Variants in DCDC2C observed in about 807,000 individuals in gnomAD.
The protein encoded by DCDC2C is doublecortin domain-containing protein 2C.
A neutral mutation model predicts 45.0 loss-of-function variants in DCDC2C; 44 were observed. That is an observed-to-expected ratio of 0.98 (90% CI 0.77 to 1.26). The LOEUF (loss-of-function observed/expected upper bound fraction) is 1.26. DCDC2C is among the 50% of genes most tolerant of loss of function. DCDC2C has a pLI of 0.00. For missense variants in DCDC2C, 447 were observed against 468.9 expected, an observed-to-expected ratio of 0.95 and a Z score of 0.43; for synonymous variants, 187 against 178.8, an observed-to-expected ratio of 1.05 and a Z score of -0.37.
chr2:3,778,523 G>T (rs1368513983), intron 8 of DCDC2C, among the ~76,000 whole-genome samples: 1 of 152,208 alleles, frequency 6.6e-6, no homozygotes, highest in East Asian at 1.9e-4. Flanking sequence ...GGTCCTCATG[G>T]TGTCCCAAGA....
intron 3 of DCDC2C, among the ~76,000 whole-genome samples, chr2:3,738,660 C>T (rs927276306): frequency 6.7e-6 from 1 of 150,220 alleles, no homozygotes; most frequent in Admixed American, 6.7e-5. Flanking sequence ...ATGGGCCATG[C>T]GTGATCAGGC....
intron 3 of DCDC2C, among the ~76,000 whole-genome samples, chr2:3,737,737 G>A (rs1021620792): frequency 6.6e-6 from 1 of 152,184 alleles, no homozygotes; most frequent in Non-Finnish European, 1.5e-5. Context: ...ACTCTCTAAA[G>A]TGTTCATGGC....
chr2:3,707,539 T>G (rs1041776563), intron 1 of DCDC2C, among the ~76,000 whole-genome samples: 2 of 152,262 alleles, frequency 1.3e-5, no homozygotes, highest in Non-Finnish European at 2.9e-5. Context: ...TTGAGTTGGC[T>G]GCAACATTTT....
intron 10 of DCDC2C, among the ~76,000 whole-genome samples, chr2:3,824,055 T>C (rs1209239728): frequency 6.6e-6 from 1 of 152,256 alleles, no homozygotes; most frequent in African/African-American, 2.4e-5. Flanking sequence ...GAAGCCTGGA[T>C]TCAGTCCATG....
chr2:3,806,757 C>A (rs1671257867), intron 10 of DCDC2C, among the ~76,000 whole-genome samples: 2 of 151,844 alleles, frequency 1.3e-5, no homozygotes, highest in Non-Finnish European at 2.9e-5. Context: ...CCATATTGGT[C>A]AGGCTAGTCT....
intron 8 of DCDC2C, among the ~76,000 whole-genome samples, chr2:3,775,047 G>A (rs983812110): frequency 2.0e-5 from 3 of 151,942 alleles, no homozygotes; most frequent in African/African-American, 7.2e-5. Context: ...TTACAGGCAT[G>A]AGCCAGTGCG....
chr2:3,750,844 C>G (rs1669522846), intron 4 of DCDC2C, among the ~76,000 whole-genome samples: 1 of 152,104 alleles, frequency 6.6e-6, no homozygotes, highest in South Asian at 2.1e-4. Context: ...TTTTGAAATT[C>G]TTTTCACCGG....
rs890523843 is a variant in DCDC2C at position 3,761,149 on chromosome 2, C to T, written c.726+6515C>T. ...TGTGATTTTAATAGCTATTGCCTTCCAAAGAAGAAATGCTAATTTAATAAA... is the reference window on the plus strand; with the variant it reads ...TGTGATTTTAATAGCTATTGCCTTCTAAAGAAGAAATGCTAATTTAATAAA... On this transcript the variant is annotated intron_variant, in intron 6 of 10. Transcript: ENST00000399143. This position sits in a 1 kb window ranked among gnomAD's most constrained non-coding sequence, Gnocchi z 4.3. Among the ~76,000 whole-genome samples the T allele has an allele frequency of 6.6e-6, 1 of 152,134 alleles. No individual in the cohort carries two copies. Among genetic ancestry groups the T allele is most frequent in the East Asian group, 1.9e-4 (1 of 5,196 alleles).
intron 10 of DCDC2C, among the ~76,000 whole-genome samples, chr2:3,825,016 C>T (rs143226264): frequency 1.1e-3 from 173 of 152,240 alleles, no homozygotes; most frequent in Middle Eastern, 6.8e-3. Context: ...TGGCAGTGAC[C>T]GGTTTTGCTG....
intron 10 of DCDC2C, among the ~76,000 whole-genome samples, chr2:3,800,379 A>T (rs1211541096): frequency 6.6e-6 from 1 of 152,164 alleles, no homozygotes; most frequent in Non-Finnish European, 1.5e-5. Context: ...CTATTCGGCC[A>T]TCTTGGCTCC....
rs1313575834 is a variant in DCDC2C, at chr2:3,767,789, T to C, written c.762T>C (p.Asp254=). The C allele has an allele frequency of 2.6e-6, 4 of 1,550,396 alleles. No individual in the cohort carries two copies. Among genetic ancestry groups the C allele is most frequent in the Non-Finnish European group, 3.5e-6 (4 of 1,146,962 alleles). Reference sequence around the variant, plus strand: ...AAGGAAAAGAACCTTGTAAATATGATGGCATACCCCCTAAAACACAGGATT... The same window carrying C: ...AAGGAAAAGAACCTTGTAAATATGACGGCATACCCCCTAAAACACAGGATT... ...DSKGKEPCKY[D]GIPPKTQDSV... is the part of the protein sequence containing the mutation. The change falls in exon 7 of 11, where the codon GAT becomes GAC. Residue 254 remains aspartate, a synonymous_variant. Coordinates refer to ENST00000399143, the MANE Select transcript of DCDC2C (RefSeq NM_001287444.2).
chr2:3,739,618 G>T (rs2148103660), intron 3 of DCDC2C, among the ~76,000 whole-genome samples: 1 of 152,344 alleles, frequency 6.6e-6, no homozygotes, highest in Middle Eastern at 3.4e-3. Context: ...GTTCCGAGAG[G>T]CCTGACTCCA....
At chr2:3,837,177 T>G (rs151218853) in intron 10 of DCDC2C, among the ~76,000 whole-genome samples, 24 of 152,202 alleles carry the variant, frequency 1.6e-4, no homozygotes, top group African/African-American at 5.1e-4. Context: ...CTGGCCAATC[T>G]CTTAAGGGCC....
At chr2:3,822,691 A>G (rs13033897) in intron 10 of DCDC2C, among the ~76,000 whole-genome samples, 23,494 of 151,064 alleles carry the variant, frequency 0.16, 1,888 homozygotes, top group East Asian at 0.29. Context: ...TCCTTTTTGT[A>G]TAGCTTCTTA....
chr2:3,768,138 C>G (rs1357154534), intron 7 of DCDC2C, among the ~76,000 whole-genome samples: 1 of 152,048 alleles, frequency 6.6e-6, no homozygotes, highest in East Asian at 1.9e-4. Context: ...AATCAGCTTA[C>G]ACCAGGACTG....
chr2:3,812,503 A>G (rs923397783), intron 10 of DCDC2C, among the ~76,000 whole-genome samples: 1 of 151,746 alleles, frequency 6.6e-6, no homozygotes, highest in Admixed American at 6.6e-5. Flanking sequence ...ATAATATTCT[A>G]TCATTTTGTT....
At chr2:3,727,196 C>G in intron 3 of DCDC2C, 117 bp downstream of exon 3, 1 of 784,000 alleles carries the variant, frequency 1.3e-6, no homozygotes, top group Non-Finnish European at 2.1e-6. Context: ...CCCTCCCCTC[C>G]CCCTGCTCTC....
chr2:3,791,447 C>G (rs1421511964), intron 10 of DCDC2C, among the ~76,000 whole-genome samples: 1 of 152,138 alleles, frequency 6.6e-6, no homozygotes, highest in Non-Finnish European at 1.5e-5. Flanking sequence ...GTATTCACGA[C>G]AATTTTAGAA....
Position 3,703,781 on chromosome 2 carries a change from G to A in DCDC2C, c.30G>A (p.Val10=), listed in dbSNP as rs900378434. The change falls in exon 1 of 11, where the codon GTG becomes GTA. Residue 10 remains valine, a synonymous_variant. Transcript: ENST00000399143. This position sits in a 1 kb window ranked among gnomAD's most constrained non-coding sequence, Gnocchi z 4.4. ...GAACCCGCGGGCCCTCCGCGCCGGT[G>A]GACACCACGCCCGCCAAGACCATCG... MGTRGPSAP[V]DTTPAKTIVV... The A allele has an allele frequency of 2.4e-6, 3 of 1,237,212 alleles. No homozygotes were observed. The highest frequency in any genetic ancestry group is 3.0e-6 in the Non-Finnish European group (3 of 988,914). The allele number at this position is 1,237,212 out of a possible 1,614,324, so 76.6% of individuals were successfully genotyped here.
Sources: allele counts gnomAD v4.1 joint callset (sites outside exome capture counted in the v4.1 genomes callset), GRCh38; gene constraint gnomAD v4.1.1; non-coding constraint Gnocchi (gnomAD v3.1); transcripts MANE v1.5; gene names NCBI Gene and HGNC (gene_info 2026-07-23, HGNC 2026-07-21).